The following THSD4 variants were observed in gnomAD, a reference collection of about 807,000 sequenced individuals.
THSD4 encodes the protein thrombospondin type-1 domain-containing protein 4.
THSD4 carries 69 observed loss-of-function variants against 119.0 expected under a neutral mutation model. The observed-to-expected ratio is 0.58, with a 90% CI of 0.48 to 0.71. The LOEUF is 0.71. Ranked by LOEUF, THSD4 falls within the 30% of genes least tolerant of loss-of-function variation. The pLI, the probability that THSD4 is intolerant of heterozygous loss-of-function variation, is 0.00. For synonymous variants in THSD4, 524 were observed against 540.4 expected (o/e 0.97, Z 0.42); for missense variants, 1,393 against 1,391.1 (o/e 1.00, Z -0.02).
chr15:71,560,302 A>G (rs536373186), intron 7 of THSD4, among the ~76,000 whole-genome samples: 1 of 152,356 alleles, frequency 6.6e-6, no homozygotes, highest in African/African-American at 2.4e-5. Context: ...GGCAAAATAA[A>G]CAATTCTGAA....
intron 6 of THSD4, among the ~76,000 whole-genome samples, chr15:71,318,580 G>A (rs2045222635): frequency 6.6e-6 from 1 of 152,154 alleles, no homozygotes; most frequent in South Asian, 2.1e-4. Flanking sequence ...AGTCATTGAT[G>A]GTTCAAGAGT....
intron 6 of THSD4, among the ~76,000 whole-genome samples, chr15:71,394,743 C>T (rs746941838): frequency 1.3e-5 from 2 of 152,242 alleles, no homozygotes; most frequent in Non-Finnish European, 2.9e-5. Context: ...ATACCCTGGA[C>T]TAAGTCGTTT....
chr15:71,689,749 A>C lies in THSD4; in HGVS notation c.1357+29015A>C, dbSNP rs148395454. On this transcript the variant is annotated intron_variant, in intron 8 of 17. Coordinates refer to ENST00000261862, the MANE Select transcript of THSD4 (RefSeq NM_024817.3). ...CATTGAGATCATGGGGATTGAGAAG[A>C]TGTACACATGAAAGTGCCAGCACCT... 2.8e-4 allele frequency among the ~76,000 whole-genome samples: 42 copies of C among 152,322 alleles called. No homozygotes were observed. In the East Asian group the frequency reaches 7.9e-3, roughly 29 times the overall value.
At chr15:71,491,610 G>A (rs929486480) in intron 7 of THSD4, among the ~76,000 whole-genome samples, 3 of 152,126 alleles carry the variant, frequency 2.0e-5, no homozygotes, top group African/African-American at 2.4e-5. Context: ...GGTGGCTCAC[G>A]CCTGTAATCC....
At chr15:71,771,699 CAAG>C (rs764612301) in intron 17 of THSD4, among the ~76,000 whole-genome samples, 5 of 152,112 alleles carry the variant, frequency 3.3e-5, no homozygotes, top group Admixed American at 1.3e-4. Flanking sequence ...TGACTAGACT[CAAG>C]GAGGAGGAGT....
At chr15:71,166,582 T>A (rs2141396306) in intron 3 of THSD4, among the ~76,000 whole-genome samples, 1 of 152,232 alleles carries the variant, frequency 6.6e-6, no homozygotes, top group Admixed American at 6.5e-5. Context: ...TCCCTGGCTC[T>A]GAGCTGGTCC....
chr15:71,352,317 G>T (rs996366718), intron 6 of THSD4, among the ~76,000 whole-genome samples: 1 of 152,192 alleles, frequency 6.6e-6, no homozygotes, highest in Non-Finnish European at 1.5e-5. Context: ...CAAACTTCTG[G>T]CTGAAGACAC....
At chr15:71,651,085 G>A (rs1167086332) in intron 7 of THSD4, among the ~76,000 whole-genome samples, 1 of 152,150 alleles carries the variant, frequency 6.6e-6, no homozygotes, top group Non-Finnish European at 1.5e-5. Context: ...TCAGACCCTT[G>A]CTGTAAGATG....
intron 6 of THSD4, among the ~76,000 whole-genome samples, chr15:71,295,211 A>G (rs1336017548): frequency 6.6e-6 from 1 of 152,154 alleles, no homozygotes; most frequent in Non-Finnish European, 1.5e-5. Flanking sequence ...TGGGAGGGTG[A>G]TATGATCGGC....
intron 8 of THSD4, among the ~76,000 whole-genome samples, chr15:71,686,698 T>A (rs2051917670): frequency 6.6e-6 from 1 of 152,184 alleles, no homozygotes; most frequent in African/African-American, 2.4e-5. Flanking sequence ...TGGTGCACTC[T>A]GTTGTTCCAA....
chr15:71,297,061 C>T (rs545145033), intron 6 of THSD4, among the ~76,000 whole-genome samples: 1 of 152,136 alleles, frequency 6.6e-6, no homozygotes, highest in Non-Finnish European at 1.5e-5. Context: ...ATTTATATGT[C>T]TTCTATTGTT....
intron 7 of THSD4, among the ~76,000 whole-genome samples, chr15:71,439,332 T>C (rs982452615): frequency 1.3e-5 from 2 of 152,222 alleles, no homozygotes; most frequent in African/African-American, 4.8e-5. Flanking sequence ...ATTTTCACAA[T>C]TCCCAGCAAA....
At chr15:71,409,153 T>C (rs1194254303) in intron 6 of THSD4, among the ~76,000 whole-genome samples, 31 of 66,960 alleles carry the variant, frequency 4.6e-4, no homozygotes, top group Non-Finnish European at 8.8e-4. Flanking sequence ...AGCTTTTTTT[T>C]TTCCCCCCCC....
intron 7 of THSD4, among the ~76,000 whole-genome samples, chr15:71,611,382 C>T (rs991151481): frequency 3.3e-5 from 5 of 152,140 alleles, no homozygotes; most frequent in African/African-American, 1.2e-4. Flanking sequence ...GGGACCAGGC[C>T]AGCCTTTTCC....
chr15:71,189,723 G>T (rs1440074038), intron 3 of THSD4, among the ~76,000 whole-genome samples: 1 of 151,882 alleles, frequency 6.6e-6, no homozygotes, highest in Non-Finnish European at 1.5e-5. Context: ...TTCTGTTTTA[G>T]TGGCTCCTGG....
intron 3 of THSD4, among the ~76,000 whole-genome samples, chr15:71,200,440 A>C (rs2043794006): frequency 6.6e-6 from 1 of 152,088 alleles, no homozygotes; most frequent in African/African-American, 2.4e-5. Context: ...GAGGACCCTG[A>C]AATGCCTGAA....
At chr15:71,477,772 C>T (rs955446600) in intron 7 of THSD4, among the ~76,000 whole-genome samples, 5 of 152,318 alleles carry the variant, frequency 3.3e-5, no homozygotes, top group African/African-American at 1.2e-4. Context: ...CTCACACCGT[C>T]ACTTTATTCA....
chr15:71,574,428 C>T (rs2049412079), intron 7 of THSD4, among the ~76,000 whole-genome samples: 2 of 152,094 alleles, frequency 1.3e-5, no homozygotes, highest in Non-Finnish European at 2.9e-5. Context: ...TGATACCTAA[C>T]ACTAAGTTTT....
chr15:71,311,724 C>A (rs1249223500), intron 6 of THSD4, among the ~76,000 whole-genome samples: 1 of 152,208 alleles, frequency 6.6e-6, no homozygotes, highest in Non-Finnish European at 1.5e-5. Context: ...GTAAATGGCA[C>A]CACCATCTAC....
Sources: gnomAD v4.1 joint callset for allele counts (sites outside exome capture counted in the v4.1 genomes callset) on GRCh38, gnomAD v4.1.1 for gene constraint, MANE v1.5 for transcripts, NCBI Gene and HGNC (gene_info 2026-07-23, HGNC 2026-07-21) for gene names.